ASAP2: variants seen among roughly 807,000 people sequenced by gnomAD.
ASAP2 encodes arf-GAP with SH3 domain, ANK repeat and PH domain-containing protein 2.
ASAP2 carries 45 observed loss-of-function variants against 131.4 expected under a neutral mutation model. That is an observed-to-expected ratio of 0.34 (90% CI 0.27 to 0.44). The LOEUF (loss-of-function observed/expected upper bound fraction) is 0.44, where lower values mean the gene tolerates loss of function less well. ASAP2 is among the 20% of genes least tolerant of loss of function. The pLI is 1.00. For synonymous variants in ASAP2, 510 were observed against 503.0 expected (o/e 1.01, Z -0.19); for missense variants, 1,011 against 1,297.0 (o/e 0.78, Z 3.39).
intron 16 of ASAP2, among the ~76,000 whole-genome samples, chr2:9,371,101 C>G (rs1558376717): frequency 6.6e-6 from 1 of 152,184 alleles, no homozygotes; most frequent in Non-Finnish European, 1.5e-5. Flanking sequence ...ATGTGGAACC[C>G]TTCAGTATGA....
intron 1 of ASAP2, among the ~76,000 whole-genome samples, chr2:9,253,459 C>T (rs141544600): frequency 1.8e-4 from 27 of 152,246 alleles, no homozygotes; most frequent in Non-Finnish European, 3.1e-4. Flanking sequence ...CCACTGTGCC[C>T]GGCCAAAATT....
At chr2:9,326,575 A>G (rs1333839173) in intron 6 of ASAP2, among the ~76,000 whole-genome samples, 3 of 152,190 alleles carry the variant, frequency 2.0e-5, no homozygotes, top group Non-Finnish European at 4.4e-5. Context: ...ATCGCCCCCA[A>G]ATTTTACTTA....
chr2:9,374,797 G>A lies in ASAP2; in HGVS notation c.1599G>A (p.Arg533=). The A allele has an allele frequency of 6.2e-7, 1 of 1,612,506 alleles. No homozygotes were observed. The highest frequency in any genetic ancestry group is 8.5e-7 in the Non-Finnish European group (1 of 1,179,580). The change falls in exon 17 of 28, where the codon AGG becomes AGA. Residue 533 remains arginine, a synonymous_variant. Transcript: ENST00000281419. ...ACATCACAGCCAAGTACATCGAGAG[G>A]AGATACGCAAGGAAGAAGCACGCGG... ...KDYITAKYIE[R]RYARKKHADN...
chr2:9,383,624 A>G (rs1429677685), intron 20 of ASAP2, among the ~76,000 whole-genome samples: 1 of 152,152 alleles, frequency 6.6e-6, no homozygotes, highest in African/African-American at 2.4e-5. Context: ...GACCCTTCCC[A>G]TAATCCTAAT....
intron 2 of ASAP2, among the ~76,000 whole-genome samples, chr2:9,287,136 G>C (rs932322207): frequency 1.3e-5 from 2 of 152,248 alleles, no homozygotes; most frequent in African/African-American, 2.4e-5. Context: ...CTCTGCTTCT[G>C]ACTGCTGCGG....
rs1663733341 is a variant in ASAP2 at position 9,238,758 on chromosome 2, G to A, written c.126+31528G>A. ...GTACACTTTGATGAATCTTACAAAT[G>A]TACAGTTGTGTAATCCCCACCATTA... is the stretch of plus-strand genomic sequence containing the variant. On this transcript the variant is annotated intron_variant, in intron 1 of 27. Coordinates refer to ENST00000281419, the MANE Select transcript of ASAP2 (RefSeq NM_003887.3). 2.0e-5 allele frequency among the ~76,000 whole-genome samples: 3 copies of A among 152,078 alleles called. No individual in the cohort carries two copies. In the South Asian group the frequency reaches 6.2e-4, roughly 32 times the overall value.
Position 9,397,743 on chromosome 2 carries a change from TATATATA to T in ASAP2, c.2685-2279_2685-2273del, listed in dbSNP as rs201835459. Among the ~76,000 whole-genome samples, 32 of 93,428 alleles carry T rather than the reference TATATATA, an allele frequency of 3.4e-4. 1 individual carries two copies. In the East Asian group the frequency reaches 6.7e-3, roughly 19 times the overall value. 61.3% of individuals were successfully genotyped at this position (93,428 alleles called of 152,430 possible). ...AATCAAAAGGATATATATATATATATATATATATTTTTTTTTTTTTTTTTTTTTTTTT... is the reference window on the plus strand; with the variant it reads ...AATCAAAAGGATATATATATATATATTTTTTTTTTTTTTTTTTTTTTTTTT... On this transcript the variant is annotated intron_variant, in intron 24 of 27. Transcript: ENST00000281419.
At chr2:9,365,562 G>T (rs556430089) in intron 15 of ASAP2, among the ~76,000 whole-genome samples, 1 of 152,164 alleles carries the variant, frequency 6.6e-6, no homozygotes, top group Non-Finnish European at 1.5e-5. Flanking sequence ...CCCTGCTCAG[G>T]TAGGTGCTAA....
intron 1 of ASAP2, among the ~76,000 whole-genome samples, chr2:9,216,453 A>ATTTTT (rs999787414): frequency 2.6e-4 from 22 of 85,400 alleles, no homozygotes; most frequent in East Asian, 6.5e-4. Flanking sequence ...TGCCTGTTTA[A>ATTTTT]TTTTTTTTTT....
intron 16 of ASAP2, among the ~76,000 whole-genome samples, chr2:9,374,365 TGCATGGAGG>T (rs1204955130): frequency 6.6e-6 from 1 of 152,206 alleles, no homozygotes; most frequent in Non-Finnish European, 1.5e-5. Context: ...TGGCCAGGGC[TGCATGGAGG>T]GCAGGGGCAG....
At chr2:9,216,798 C>T (rs1662081440) in intron 1 of ASAP2, among the ~76,000 whole-genome samples, 1 of 151,870 alleles carries the variant, frequency 6.6e-6, no homozygotes. Flanking sequence ...GAGAAGGTTT[C>T]ACCATGTCAT....
intron 15 of ASAP2, 71 bp from the exon 16 acceptor site, chr2:9,368,354 G>A: frequency 7.4e-7 from 1 of 1,345,862 alleles, no homozygotes; most frequent in Non-Finnish European, 1.1e-6. Flanking sequence ...TCATCAGATG[G>A]GGATGGGTAA....
rs564134420 is a variant in ASAP2 at position 9,404,783 on chromosome 2, A to G, written c.*1456A>G. 71 of 152,296 alleles carry G rather than the reference A, an allele frequency of 4.7e-4. No homozygotes were observed. Among genetic ancestry groups the G allele is most frequent in the African/African-American group, 1.7e-3 (70 of 41,462 alleles). The allele number at this position is 152,296 out of a possible 1,614,324, so 9.4% of individuals were successfully genotyped here. ...GTACTTTTTGTTTTTGTTATAAAGG[A>G]AGACAGAACAAACTGGAATGTTTTA... On this transcript the variant is annotated 3_prime_UTR_variant, in exon 28 of 28. Transcript: ENST00000281419.
intron 1 of ASAP2, among the ~76,000 whole-genome samples, chr2:9,261,042 T>A (rs1037419026): frequency 1.3e-5 from 2 of 151,922 alleles, no homozygotes; most frequent in African/African-American, 4.8e-5. Context: ...GACAGCCCCT[T>A]GGGGTGGCAG....
intron 1 of ASAP2, among the ~76,000 whole-genome samples, chr2:9,250,775 T>C (rs1260427156): frequency 6.6e-6 from 1 of 152,208 alleles, no homozygotes; most frequent in African/African-American, 2.4e-5. Context: ...TAATCTGCCT[T>C]GTGGAATTAA....
At chr2:9,329,838 C>T (rs1670715416) in intron 7 of ASAP2, among the ~76,000 whole-genome samples, 1 of 152,212 alleles carries the variant, frequency 6.6e-6, no homozygotes, top group Non-Finnish European at 1.5e-5. Flanking sequence ...CCTTTGTGCC[C>T]TCCCTGTCTT....
chr2:9,387,165 G>T (rs191542474), intron 21 of ASAP2, among the ~76,000 whole-genome samples: 2 of 143,856 alleles, frequency 1.4e-5, no homozygotes, highest in South Asian at 2.2e-4. Flanking sequence ...AGTGAGCTGG[G>T]ATTGCGCCAC....
At chr2:9,350,727 C>G in intron 11 of ASAP2, 81 bp from the exon 12 acceptor site, 1 of 1,197,380 alleles carries the variant, frequency 8.4e-7, no homozygotes, top group South Asian at 1.5e-5. Context: ...GTTGCTGTAT[C>G]TCGTGAGGAT....
intron 19 of ASAP2, 55 bp from the exon 20 acceptor site, chr2:9,380,686 C>A: frequency 6.5e-7 from 1 of 1,527,102 alleles, no homozygotes; most frequent in South Asian, 1.1e-5. Flanking sequence ...TCCTGGATGT[C>A]AGGCCTTTGC....
Sources: gnomAD v4.1 joint callset for allele counts (sites outside exome capture counted in the v4.1 genomes callset) on GRCh38, gnomAD v4.1.1 for gene constraint, MANE v1.5 for transcripts, NCBI Gene and HGNC (gene_info 2026-07-23, HGNC 2026-07-21) for gene names.